The following CASK variants were observed in gnomAD, a reference collection of about 807,000 sequenced individuals.
CASK encodes the protein peripheral plasma membrane protein CASK.
Under a neutral mutation model 82.9 loss-of-function variants are expected in CASK, and 4 were observed. That is an observed-to-expected ratio of 0.05 (90% CI 0.02 to 0.11). CASK has a LOEUF of 0.11. Ranked by LOEUF, CASK falls within the 10% of genes least tolerant of loss-of-function variation. The pLI is 1.00. For synonymous variants in CASK, 259 were observed against 253.5 expected (o/e 1.02, Z -0.20); for missense variants, 358 against 720.9 (o/e 0.50, Z 5.76).
intron 5 of CASK, chrX:41,727,407 G>A (rs201787151): frequency 6.6e-6 from 8 of 1,209,398 alleles, no homozygotes; most frequent in East Asian, 5.9e-5. Context: ...AGGATTCCTC[G>A]CAAGAGACTA....
At position 41,803,935 on chromosome X, in the gene CASK, T is replaced by C. The variant is rs111741068; in HGVS notation, c.173-16652A>G. On this transcript the variant is annotated intron_variant, in intron 2 of 26. Coordinates refer to ENST00000378163, the MANE Select transcript of CASK (RefSeq NM_001367721.1). The stretch of plus-strand genomic sequence containing the variant: ...AGGAGAGACACTGCTTTTTTGTTGT[T>C]AGAAGTAGCATGATTTGACTTTTAA... Among the ~76,000 whole-genome samples, 373 of 112,099 alleles carry C rather than the reference T, an allele frequency of 3.3e-3. 3 individuals are homozygous for C. The highest frequency in any genetic ancestry group is 4.8e-3 in the Non-Finnish European group (257 of 53,214).
At chrX:41,590,261 C>T (rs868512783) in intron 12 of CASK, among the ~76,000 whole-genome samples, 1 of 111,188 alleles carries the variant, frequency 9.0e-6, no homozygotes, top group Non-Finnish European at 1.9e-5. Flanking sequence ...AATGCCAGAA[C>T]TTTGGGAGGC....
At chrX:41,533,564 G>A (rs1211817765) in intron 24 of CASK, among the ~76,000 whole-genome samples, 5 of 112,486 alleles carry the variant, frequency 4.4e-5, no homozygotes, top group Admixed American at 9.4e-5. Context: ...CTATAGAATG[G>A]AGCCAATCTT....
intron 5 of CASK, among the ~76,000 whole-genome samples, chrX:41,730,630 T>C (rs111294898): frequency 0.021 from 2,390 of 111,397 alleles, 65 homozygotes; most frequent in African/African-American, 0.073. Context: ...TCTAGACATG[T>C]AAATCATAGA....
intron 11 of CASK, among the ~76,000 whole-genome samples, chrX:41,617,470 C>A (rs1037019021): frequency 8.9e-6 from 1 of 112,385 alleles, no homozygotes; most frequent in African/African-American, 3.2e-5. Context: ...TCTCCTTCAT[C>A]TTTTCAAATG....
intron 21 of CASK, among the ~76,000 whole-genome samples, chrX:41,549,820 A>G (rs2065071498): frequency 9.1e-6 from 1 of 110,124 alleles, no homozygotes; most frequent in African/African-American, 3.3e-5. Context: ...AGCCTGGGAG[A>G]CAGAGAGGGA....
intron 1 of CASK, among the ~76,000 whole-genome samples, chrX:41,882,661 T>C (rs754800393): frequency 5.4e-5 from 6 of 111,474 alleles, no homozygotes; most frequent in Non-Finnish European, 7.6e-5. Context: ...TTAACCATGG[T>C]TCCTCTCAAT....
chrX:41,792,487 G>A (rs950498785), intron 2 of CASK, among the ~76,000 whole-genome samples: 3 of 109,456 alleles, frequency 2.7e-5, no homozygotes, highest in African/African-American at 1.0e-4. Flanking sequence ...ACAGAGTCTC[G>A]CTATGTTGCC....
intron 12 of CASK, among the ~76,000 whole-genome samples, chrX:41,590,725 C>A (rs1213084941): frequency 9.1e-6 from 1 of 110,257 alleles, no homozygotes; most frequent in Non-Finnish European, 1.9e-5. Flanking sequence ...CTGTTGTGAA[C>A]ACTTTTATTT....
rs144685422 is a variant in CASK at position 41,529,835 on chromosome X, G to A, written c.2520+1172C>T. Among the ~76,000 whole-genome samples the A allele has an allele frequency of 5.9e-3, 662 of 112,112 alleles. 4 individuals are homozygous for A. Among genetic ancestry groups the A allele is most frequent in the African/African-American group, 0.021 (633 of 30,829 alleles). On this transcript the variant is annotated intron_variant, in intron 25 of 26. Coordinates refer to ENST00000378163, the MANE Select transcript of CASK (RefSeq NM_001367721.1). ...AGTTCCAAGTTCAAGAACCCCATCAGGTGTTGTAAACGGAAATGGGTGAAC... is the reference window on the plus strand; with the variant it reads ...AGTTCCAAGTTCAAGAACCCCATCAAGTGTTGTAAACGGAAATGGGTGAAC...
chrX:41,533,101 G>A (rs779988951), intron 24 of CASK, among the ~76,000 whole-genome samples: 32 of 111,631 alleles, frequency 2.9e-4, no homozygotes, highest in Admixed American at 1.9e-4. Flanking sequence ...GTGAGCCACC[G>A]CGCCCAGCCA....
At chrX:41,875,213 T>C (rs1289967809) in intron 1 of CASK, among the ~76,000 whole-genome samples, 2 of 112,241 alleles carry the variant, frequency 1.8e-5, no homozygotes, top group Non-Finnish European at 3.8e-5. Context: ...AGAGTAGAAC[T>C]GATGAGAGAA....
At chrX:41,780,969 C>T (rs1040982919) in intron 3 of CASK, among the ~76,000 whole-genome samples, 1 of 110,475 alleles carries the variant, frequency 9.1e-6, no homozygotes, top group African/African-American at 3.3e-5. Context: ...GAGACAGGGT[C>T]TCACTTTGTT....
chrX:41,688,978 AT>A (rs2067493549), intron 5 of CASK: 1 of 110,830 alleles, frequency 9.0e-6, no homozygotes, highest in Non-Finnish European at 1.9e-5. Flanking sequence ...ACCCCAACCA[AT>A]TGCACCACGA....
intron 7 of CASK, among the ~76,000 whole-genome samples, chrX:41,665,014 C>T (rs1461657374): frequency 8.9e-6 from 1 of 112,469 alleles, no homozygotes; most frequent in Non-Finnish European, 1.9e-5. Context: ...AAAATGAAGC[C>T]CCTTTCTCAA....
chrX:41,813,095 C>T (rs1312191080), intron 2 of CASK, among the ~76,000 whole-genome samples: 5 of 111,263 alleles, frequency 4.5e-5, no homozygotes, highest in Admixed American at 1.9e-4. Context: ...TAAAAGAGGA[C>T]ACAAACAAAT....
intron 3 of CASK, among the ~76,000 whole-genome samples, chrX:41,757,118 T>G (rs1045244948): frequency 8.9e-6 from 1 of 112,394 alleles, no homozygotes; most frequent in African/African-American, 3.2e-5. Context: ...TACTATATTA[T>G]TGATATAATT....
intron 12 of CASK, among the ~76,000 whole-genome samples, chrX:41,599,468 A>G (rs917134846): frequency 8.0e-5 from 9 of 111,818 alleles, no homozygotes; most frequent in African/African-American, 2.9e-4. Context: ...AGCTGCAAAA[A>G]TCCTTTGGAT....
At chrX:41,781,693 G>A (rs2069479997) in intron 3 of CASK, among the ~76,000 whole-genome samples, 1 of 111,570 alleles carries the variant, frequency 9.0e-6, no homozygotes, top group African/African-American at 3.3e-5. Flanking sequence ...TAGCCAGTAG[G>A]TGGAACTATA....
Sources: allele counts gnomAD v4.1 joint callset (sites outside exome capture counted in the v4.1 genomes callset), GRCh38; gene constraint gnomAD v4.1.1; transcripts MANE v1.5; gene names NCBI Gene and HGNC (gene_info 2026-07-23, HGNC 2026-07-21).